Variants in GNA12 observed in about 807,000 individuals in gnomAD.
GNA12 encodes the protein guanine nucleotide-binding protein subunit alpha-12.
A neutral mutation model predicts 26.0 loss-of-function variants in GNA12; 9 were observed. That is an observed-to-expected ratio of 0.35 (90% CI 0.21 to 0.60). The LOEUF (loss-of-function observed/expected upper bound fraction) is 0.60, where lower values mean the gene tolerates loss of function less well. Ranked by LOEUF, GNA12 falls within the 20% of genes least tolerant of loss-of-function variation. The pLI is 0.78. For synonymous variants in GNA12, 264 were observed against 219.6 expected (o/e 1.20, Z -1.79); for missense variants, 405 against 525.8 (o/e 0.77, Z 2.25).
intron 1 of GNA12, among the ~76,000 whole-genome samples, chr7:2,820,397 A>T (rs1327591511): frequency 1.6e-5 from 2 of 128,538 alleles, no homozygotes; most frequent in African/African-American, 6.3e-5. Flanking sequence ...ATAGCTCAAT[A>T]AAGCTTTTTT....
intron 2 of GNA12, among the ~76,000 whole-genome samples, chr7:2,757,153 T>G (rs1791343035): frequency 8.3e-6 from 1 of 120,048 alleles, no homozygotes; most frequent in Non-Finnish European, 1.8e-5. Flanking sequence ...TTTTTTTTTT[T>G]GAGACGGAGT....
At chr7:2,738,488 A>G (rs769865206) in intron 2 of GNA12, among the ~76,000 whole-genome samples, 3 of 152,226 alleles carry the variant, frequency 2.0e-5, no homozygotes, top group Non-Finnish European at 4.4e-5. Flanking sequence ...AAGGAAAAGC[A>G]CAAGGCACGA....
At chr7:2,742,672 A>G (rs1400384936) in intron 2 of GNA12, among the ~76,000 whole-genome samples, 1 of 152,224 alleles carries the variant, frequency 6.6e-6, no homozygotes, top group African/African-American at 2.4e-5. Context: ...AAACACCTGC[A>G]GAGTTTTGAT....
intron 1 of GNA12, among the ~76,000 whole-genome samples, chr7:2,843,123 A>G (rs1035010727): frequency 2.6e-5 from 4 of 152,118 alleles, no homozygotes; most frequent in African/African-American, 9.7e-5. Context: ...CAGAAAAGTA[A>G]AAAGAGACTC....
At chr7:2,787,050 C>T (rs1306166103) in intron 2 of GNA12, among the ~76,000 whole-genome samples, 2 of 152,182 alleles carry the variant, frequency 1.3e-5, no homozygotes, top group Non-Finnish European at 2.9e-5. Flanking sequence ...CCTGGGCGTA[C>T]TCACAAAGAC....
At chr7:2,787,777 C>T (rs760373872) in intron 2 of GNA12, among the ~76,000 whole-genome samples, 11 of 152,246 alleles carry the variant, frequency 7.2e-5, no homozygotes, top group Non-Finnish European at 1.3e-4. Flanking sequence ...CTCAGTCCCA[C>T]GGCTATGCTA....
Position 2,757,283 on chromosome 7 carries a change from C to T in GNA12, c.526-23782G>A, listed in dbSNP as rs531475645. ...CCCAAGTAGCTGGGACCGCAGCGCCCGCCACCATGCCCGGCTAATTTTTTG... is the reference window on the plus strand; with the variant it reads ...CCCAAGTAGCTGGGACCGCAGCGCCTGCCACCATGCCCGGCTAATTTTTTG... On this transcript the variant is annotated intron_variant, in intron 2 of 3. Coordinates refer to ENST00000275364, the MANE Select transcript of GNA12 (RefSeq NM_007353.3). Among the ~76,000 whole-genome samples the T allele has an allele frequency of 4.0e-5, 6 of 151,898 alleles. No individual in the cohort carries two copies. In the East Asian group the frequency reaches 9.7e-4, roughly 24 times the overall value.
At chr7:2,748,597 T>TGGGCAA (rs1279456790) in intron 2 of GNA12, among the ~76,000 whole-genome samples, 4 of 152,110 alleles carry the variant, frequency 2.6e-5, no homozygotes, top group Non-Finnish European at 2.9e-5. Flanking sequence ...GACATAGGCA[T>TGGGCAA]GGGCAAGGAC....
At chr7:2,840,981 T>C (rs925573835) in intron 1 of GNA12, among the ~76,000 whole-genome samples, 4 of 152,224 alleles carry the variant, frequency 2.6e-5, no homozygotes, top group Non-Finnish European at 5.9e-5. Context: ...ATTTCTAACT[T>C]GTTATTGAAA....
intron 1 of GNA12, among the ~76,000 whole-genome samples, chr7:2,802,685 T>G (rs892011867): frequency 6.6e-6 from 1 of 152,150 alleles, no homozygotes; most frequent in Non-Finnish European, 1.5e-5. Context: ...GAAAGCTCTG[T>G]TTTTTAAAAA....
intron 1 of GNA12, among the ~76,000 whole-genome samples, chr7:2,812,708 GCTC>G (rs1173952428): frequency 7.4e-5 from 9 of 121,052 alleles, no homozygotes; most frequent in Non-Finnish European, 1.8e-4. Flanking sequence ...GGGGCTTTGT[GCTC>G]CTGTCAGTCA....
chr7:2,841,640 C>T (rs2114984207), intron 1 of GNA12, among the ~76,000 whole-genome samples: 1 of 152,122 alleles, frequency 6.6e-6, no homozygotes, highest in East Asian at 1.9e-4. Context: ...CTTCACAATC[C>T]TAAAGGAGCT....
chr7:2,790,965 T>G (rs981008013), intron 2 of GNA12, among the ~76,000 whole-genome samples: 1 of 147,776 alleles, frequency 6.8e-6, no homozygotes, highest in African/African-American at 2.5e-5. Context: ...CAGAGCAAGA[T>G]TGTCCCTTTA....
chr7:2,783,719 C>G (rs900456694), intron 2 of GNA12, among the ~76,000 whole-genome samples: 3 of 144,806 alleles, frequency 2.1e-5, no homozygotes, highest in African/African-American at 7.7e-5. Flanking sequence ...TAGTATTGCT[C>G]TGTCCCCCAG....
intron 1 of GNA12, chr7:2,814,904 C>G (rs575624018): frequency 1.2e-6 from 2 of 1,600,690 alleles, no homozygotes; most frequent in Non-Finnish European, 1.7e-6. Context: ...TTGCTAGGCA[C>G]GGCCTGGGAA....
intron 1 of GNA12, among the ~76,000 whole-genome samples, chr7:2,802,395 G>C (rs1237701120): frequency 2.1e-5 from 2 of 95,028 alleles, no homozygotes; most frequent in Admixed American, 1.6e-4. Flanking sequence ...ATTTTTTTTG[G>C]GGGGGTGGGG....
At chr7:2,734,556 C>T (rs563532305) in intron 2 of GNA12, among the ~76,000 whole-genome samples, 3 of 152,316 alleles carry the variant, frequency 2.0e-5, no homozygotes, top group East Asian at 1.9e-4. Flanking sequence ...CGCTGAAGCT[C>T]GTGGCGTTGT....
chr7:2,840,800 G>A (rs960681729), intron 1 of GNA12, among the ~76,000 whole-genome samples: 2 of 152,064 alleles, frequency 1.3e-5, no homozygotes, highest in Admixed American at 6.6e-5. Flanking sequence ...GCCACAGTGA[G>A]CCATAATCCT....
intron 2 of GNA12, among the ~76,000 whole-genome samples, chr7:2,787,412 CT>C (rs1405644331): frequency 6.6e-6 from 1 of 152,202 alleles, no homozygotes; most frequent in Non-Finnish European, 1.5e-5. Flanking sequence ...GCACCACGAG[CT>C]GTCGCCTGTC....
Sources: gnomAD v4.1 joint callset for allele counts (sites outside exome capture counted in the v4.1 genomes callset) on GRCh38, gnomAD v4.1.1 for gene constraint, MANE v1.5 for transcripts, NCBI Gene and HGNC (gene_info 2026-07-23, HGNC 2026-07-21) for gene names.